Variants in TMEM72 observed in about 807,000 individuals in gnomAD.
The protein encoded by TMEM72 is transmembrane protein 72.
TMEM72 carries 9 observed loss-of-function variants against 16.3 expected under a neutral mutation model. The ratio of observed to expected loss-of-function variants is 0.55; its 90% CI spans 0.33 to 0.96. The LOEUF (loss-of-function observed/expected upper bound fraction) is 0.96, where lower values mean the gene tolerates loss of function less well. Ranked by LOEUF, TMEM72 falls within the 40% of genes least tolerant of loss-of-function variation. TMEM72 has a pLI of 0.03. For missense variants in TMEM72, 324 were observed against 337.8 expected (o/e 0.96, Z 0.32); for synonymous variants, 160 against 146.5 (o/e 1.09, Z -0.66).
chr10:44,919,704 T>G (rs1037013621), intron 1 of TMEM72, among the ~76,000 whole-genome samples: 48 of 152,294 alleles, frequency 3.2e-4, no homozygotes, highest in Admixed American at 7.2e-4. Context: ...ACATCAGTTC[T>G]CCCCCAAATT....
intron 1 of TMEM72, among the ~76,000 whole-genome samples, chr10:44,917,790 C>T (rs1318875211): frequency 6.6e-6 from 1 of 152,118 alleles, no homozygotes; most frequent in Non-Finnish European, 1.5e-5. Flanking sequence ...TTTCTGGAAA[C>T]CTGCCATGTG....
intron 4 of TMEM72, among the ~76,000 whole-genome samples, chr10:44,934,361 C>T (rs79985704): frequency 0.03 from 4,511 of 152,200 alleles, 154 homozygotes; most frequent in African/African-American, 0.083. Flanking sequence ...AAAACTGTGC[C>T]CCCTCCTCAT....
At position 44,935,083 on chromosome 10, in the gene TMEM72, TC is replaced by T. The variant is rs759402619; in HGVS notation, c.781del (p.Gln261ArgfsTer60). 17 of 1,611,202 alleles carry T rather than the reference TC, an allele frequency of 1.1e-5. No homozygotes were observed. In the Admixed American group the frequency reaches 2.8e-4, roughly 27 times the overall value. ...TSDTTPIIPP[P>X]QAPLFLSSLT... is the part of the protein sequence containing the mutation. The stretch of plus-strand genomic sequence containing the variant: ...CTGACACGACACCCATCATTCCCCC[TC>T]CCCAGGCCCCACTCTTCCTGTCATC... On this transcript the variant is annotated frameshift_variant, in exon 5 of 5. Transcript: ENST00000389583. LOFTEE classifies it low-confidence loss of function (END_TRUNC).
At chr10:44,914,209 T>C (rs1363432086) in intron 1 of TMEM72, among the ~76,000 whole-genome samples, 1 of 152,110 alleles carries the variant, frequency 6.6e-6, no homozygotes, top group Non-Finnish European at 1.5e-5. Flanking sequence ...TCCAGCCCCA[T>C]ATCATGAGGG....
chr10:44,927,939 C>A lies in TMEM72; in HGVS notation c.89C>A (p.Thr30Asn). The change falls in exon 2 of 5, where the codon ACT (threonine) becomes AAT (asparagine). Residue 30 changes from threonine to asparagine, a missense_variant. By Grantham distance (65) the Thr-to-Asn change is moderately conservative (BLOSUM62 0). Coordinates refer to ENST00000389583, the MANE Select transcript of TMEM72 (RefSeq NM_001123376.3). The stretch of plus-strand genomic sequence containing the variant: ...CCCTTAGTGTTGATCGGCGTGGGCA[C>A]TGAGACCTTCCTCCAGGGCCAGTTC... ...TTAAVLIGVG[T>N]ETFLQGQFKS... 1.2e-6 allele frequency: 2 copies of A among 1,613,962 alleles called. No individual in the cohort carries two copies. The highest frequency in any genetic ancestry group is 1.1e-5 in the South Asian group (1 of 91,080).
intron 1 of TMEM72, among the ~76,000 whole-genome samples, chr10:44,917,874 T>C (rs1840035153): frequency 6.6e-6 from 1 of 152,174 alleles, no homozygotes; most frequent in African/African-American, 2.4e-5. Flanking sequence ...CTCCCTGACA[T>C]TGAGACCTAA....
chr10:44,912,812 G>A (rs1236728355), intron 1 of TMEM72, among the ~76,000 whole-genome samples: 2 of 152,278 alleles, frequency 1.3e-5, no homozygotes, highest in African/African-American at 4.8e-5. Flanking sequence ...CTGGCCAGTG[G>A]GCTCTTCCAG....
At chr10:44,932,942 A>G (rs1840325923) in intron 3 of TMEM72, among the ~76,000 whole-genome samples, 1 of 152,170 alleles carries the variant, frequency 6.6e-6, no homozygotes. Context: ...GGCCACCTGG[A>G]CAGCCTGAGC....
At chr10:44,920,614 C>T (rs1840080792) in intron 1 of TMEM72, among the ~76,000 whole-genome samples, 1 of 152,200 alleles carries the variant, frequency 6.6e-6, no homozygotes. Context: ...CACAAAAAAA[C>T]CCACAAGTGT....
intron 1 of TMEM72, among the ~76,000 whole-genome samples, chr10:44,913,580 A>G (rs1211009400): frequency 6.6e-6 from 1 of 152,158 alleles, no homozygotes; most frequent in African/African-American, 2.4e-5. Flanking sequence ...TGGTTTTGAT[A>G]GGAGATTCAG....
chr10:44,914,738 G>A (rs1006587236), intron 1 of TMEM72, among the ~76,000 whole-genome samples: 1 of 152,172 alleles, frequency 6.6e-6, no homozygotes, highest in South Asian at 2.1e-4. Context: ...AGGGGTCCTG[G>A]GAAATGGATT....
chr10:44,911,710 A>G, intron 1 of TMEM72, 128 bp downstream of exon 1: 2 of 1,067,590 alleles, frequency 1.9e-6, no homozygotes, highest in African/African-American at 3.1e-5. Context: ...TTTTTTTCCC[A>G]AGACCCCTAG....
At chr10:44,931,839 A>C in intron 2 of TMEM72, 159 bp from the exon 3 acceptor site, 1 of 719,612 alleles carries the variant, frequency 1.4e-6, no homozygotes, top group Non-Finnish European at 2.3e-6. Context: ...GGAACACGCC[A>C]TGTCCTGGAG....
At chr10:44,916,171 T>C (rs1271629903) in intron 1 of TMEM72, among the ~76,000 whole-genome samples, 2 of 152,164 alleles carry the variant, frequency 1.3e-5, no homozygotes, top group Non-Finnish European at 2.9e-5. Flanking sequence ...GCAAAGGGCA[T>C]GGCAGAGCCA....
chr10:44,918,281 G>T (rs1244127021), intron 1 of TMEM72, among the ~76,000 whole-genome samples: 3 of 152,124 alleles, frequency 2.0e-5, no homozygotes, highest in Admixed American at 2.0e-4. Context: ...CAAGGGAGAT[G>T]CTATTCTACG....
chr10:44,921,896 G>A (rs137993428), intron 1 of TMEM72, among the ~76,000 whole-genome samples: 8 of 152,296 alleles, frequency 5.3e-5, no homozygotes, highest in African/African-American at 1.4e-4. Context: ...TAGACTGAAG[G>A]CCACATTAAA....
intron 3 of TMEM72, among the ~76,000 whole-genome samples, chr10:44,932,608 G>A (rs1320023390): frequency 6.6e-6 from 1 of 152,186 alleles, no homozygotes; most frequent in East Asian, 1.9e-4. Flanking sequence ...CGGTGAGACC[G>A]AGGACTGCGG....
intron 1 of TMEM72, among the ~76,000 whole-genome samples, chr10:44,917,431 A>C (rs1321398447): frequency 1.3e-5 from 2 of 152,160 alleles, no homozygotes; most frequent in Non-Finnish European, 2.9e-5. Flanking sequence ...AAGGGGCTAC[A>C]CTGTAAAGAG....
chr10:44,932,033 C>T lies in TMEM72; in HGVS notation c.173C>T (p.Ala58Val), dbSNP rs539368449. The change falls in exon 3 of 5, where the codon GCC becomes GTC. Residue 58 changes from alanine (A) to valine (V), a missense_variant. Ala to Val is a moderately conservative substitution (Grantham distance 64). Transcript: ENST00000389583. Reference protein sequence around the residue: ...TGAAVSICEGAYFVAQLLAIC... With the variant: ...TGAAVSICEGVYFVAQLLAIC... ...GCCGCTGTCTCCATATGTGAAGGGG[C>T]CTACTTTGTGGCTCAGCTGCTGGCC... 5 of 1,613,436 alleles carry T rather than the reference C, an allele frequency of 3.1e-6. No individual in the cohort carries two copies. In the African/African-American group the frequency reaches 6.7e-5, roughly 21 times the overall value.
Sources: allele counts gnomAD v4.1 joint callset (sites outside exome capture counted in the v4.1 genomes callset), GRCh38; gene constraint gnomAD v4.1.1; transcripts MANE v1.5; gene names NCBI Gene and HGNC (gene_info 2026-07-23, HGNC 2026-07-21).